The following FOCAD variants were observed in gnomAD, a reference collection of about 807,000 sequenced individuals.
The protein encoded by FOCAD is KIAA1797.
In FOCAD, 198 loss-of-function variants were observed where a neutral mutation model predicts 225.6. That is an observed-to-expected ratio of 0.88 (90% CI 0.78 to 0.99). FOCAD has a LOEUF of 0.99. Among genes scored for constraint, FOCAD ranks in the 50% least tolerant of loss-of-function variants. FOCAD has a pLI of 0.00. For synonymous variants in FOCAD, 897 were observed against 755.0 expected (o/e 1.19, Z -3.08); for missense variants, 2,713 against 2,123.6 (o/e 1.28, Z -5.46).
At chr9:20,924,832 C>T (rs1037472023) in intron 25 of FOCAD, among the ~76,000 whole-genome samples, 1 of 152,186 alleles carries the variant, frequency 6.6e-6, no homozygotes, top group Non-Finnish European at 1.5e-5. Flanking sequence ...ACTAATGAAA[C>T]ATCTAAGCAG....
intron 21 of FOCAD, among the ~76,000 whole-genome samples, chr9:20,893,717 G>A (rs1480657215): frequency 6.6e-6 from 1 of 151,964 alleles, no homozygotes. Flanking sequence ...ATTTTTTAGA[G>A]CAGTTTTAGG....
intron 11 of FOCAD, among the ~76,000 whole-genome samples, chr9:20,805,313 C>G (rs765775156): frequency 1.8e-4 from 27 of 152,090 alleles, no homozygotes; most frequent in Non-Finnish European, 3.8e-4. Flanking sequence ...TGAGGTGAAG[C>G]TTTATAACAC....
chr9:20,809,465 A>G (rs1822815335), intron 11 of FOCAD, among the ~76,000 whole-genome samples: 1 of 152,164 alleles, frequency 6.6e-6, no homozygotes, highest in Admixed American at 6.5e-5. Flanking sequence ...TCAATTGATC[A>G]ATCAAATTAA....
chr9:20,764,973 A>G lies in FOCAD; in HGVS notation c.599A>G (p.Lys200Arg), dbSNP rs762811992. 6.8e-6 allele frequency: 11 copies of G among 1,614,118 alleles called. No homozygotes were observed. In the South Asian group the frequency reaches 1.2e-4, roughly 18 times the overall value. Residue 200 changes from lysine (K) to arginine (R), a missense_variant, in exon 7 of 44, where the codon AAA (lysine) becomes AGA (arginine). Coordinates refer to ENST00000338382, the MANE Select transcript of FOCAD (RefSeq NM_001375567.1). ...EYAKLRLALL[K>R]VLLQPQVLCD... is the part of the protein sequence containing the mutation. ...GCTAAACTCCGACTAGCCCTGCTGA[A>G]AGTCTTACTTCAACCCCAGGTTCTT...
At position 20,789,333 on chromosome 9, in the gene FOCAD, C is replaced by T; in HGVS notation, c.1198-18C>T. Reference sequence around the variant, plus strand: ...ATTTATCTCACTTATTTATGCCTCTCTTGTCTTTATTTTTCAGCTCTCCTA... The same window carrying T: ...ATTTATCTCACTTATTTATGCCTCTTTTGTCTTTATTTTTCAGCTCTCCTA... On this transcript the variant is annotated intron_variant, in intron 10 of 43. Coordinates refer to ENST00000338382, the MANE Select transcript of FOCAD (RefSeq NM_001375567.1). 1.2e-6 allele frequency: 2 copies of T among 1,605,028 alleles called. No individual in the cohort carries two copies. Among genetic ancestry groups the T allele is most frequent in the Non-Finnish European group, 1.7e-6 (2 of 1,172,342 alleles).
At chr9:20,876,487 T>C (rs1830234526) in intron 19 of FOCAD, among the ~76,000 whole-genome samples, 1 of 152,186 alleles carries the variant, frequency 6.6e-6, no homozygotes, top group South Asian at 2.1e-4. Context: ...GTACAGAATG[T>C]GCAGTGCTAT....
At chr9:20,943,204 T>G (rs915402951) in intron 28 of FOCAD, among the ~76,000 whole-genome samples, 3 of 152,372 alleles carry the variant, frequency 2.0e-5, no homozygotes, top group Middle Eastern at 3.4e-3. Flanking sequence ...TAGATGTTGA[T>G]TTAACTGGTT....
At chr9:20,703,701 T>C (rs1824160125) in intron 1 of FOCAD, among the ~76,000 whole-genome samples, 1 of 152,170 alleles carries the variant, frequency 6.6e-6, no homozygotes, top group Non-Finnish European at 1.5e-5. Flanking sequence ...TCCTTATCAC[T>C]TAAATTCAAA....
chr9:20,807,800 A>T (rs1822618714), intron 11 of FOCAD, among the ~76,000 whole-genome samples: 1 of 152,210 alleles, frequency 6.6e-6, no homozygotes, highest in South Asian at 2.1e-4. Flanking sequence ...CTGCAATCCC[A>T]GCACTTTGGG....
chr9:20,740,179 C>T (rs776909392), intron 4 of FOCAD, 57 bp from the exon 5 acceptor site: 12 of 1,108,570 alleles, frequency 1.1e-5, no homozygotes, highest in African/African-American at 1.6e-5. Flanking sequence ...GATTAAGCAC[C>T]TGATTAGAAT....
chr9:20,937,227 A>G (rs1836071613), intron 28 of FOCAD, among the ~76,000 whole-genome samples: 1 of 150,724 alleles, frequency 6.6e-6, no homozygotes, highest in Non-Finnish European at 1.5e-5. Context: ...GGAAAAAACT[A>G]CTTTAAAGTT....
Position 20,948,784 on chromosome 9 carries a change from G to T in FOCAD, c.3799-67G>T, listed in dbSNP as rs1229783737. ...GACCATTTATTTCTCCGTGTCCTCA[G>T]AAGTTTTATAGAATCTAAACCCAAG... On this transcript the variant is annotated intron_variant, in intron 31 of 43. Transcript: ENST00000338382. 16 of 1,551,032 alleles carry T rather than the reference G, an allele frequency of 1.0e-5. No individual in the cohort carries two copies. In the Admixed American group the frequency reaches 2.7e-4, roughly 26 times the overall value.
chr9:20,970,601 T>C (rs998272991), intron 35 of FOCAD, among the ~76,000 whole-genome samples: 12 of 152,102 alleles, frequency 7.9e-5, no homozygotes, highest in African/African-American at 2.9e-4. Context: ...TGGTTTCTTT[T>C]AGTTCTTTGT....
intron 8 of FOCAD, among the ~76,000 whole-genome samples, chr9:20,778,136 C>T (rs1818978985): frequency 6.9e-6 from 1 of 145,702 alleles, no homozygotes; most frequent in Non-Finnish European, 1.5e-5. Flanking sequence ...AGAAGACTTG[C>T]TGATCTGCTG....
chr9:20,815,125 T>TTTTG (rs1564024227), intron 11 of FOCAD, among the ~76,000 whole-genome samples: 1 of 29,534 alleles, frequency 3.4e-5, no homozygotes, highest in East Asian at 9.8e-4. Flanking sequence ...TTCTCTTTGT[T>TTTTG]TTTTTTTTTT....
At chr9:20,746,816 T>A (rs1828072914) in intron 5 of FOCAD, among the ~76,000 whole-genome samples, 1 of 152,226 alleles carries the variant, frequency 6.6e-6, no homozygotes, top group Admixed American at 6.5e-5. Context: ...TAGTTTAGGA[T>A]CACCTGTTGC....
chr9:20,667,752 G>A (rs558532080), intron 2 of FOCAD, among the ~76,000 whole-genome samples: 4 of 152,208 alleles, frequency 2.6e-5, no homozygotes, highest in South Asian at 4.1e-4. Context: ...GAGATTATGC[G>A]TGGAAAACCT....
rs75716086 is a variant in FOCAD at position 20,842,460 on chromosome 9, C to T, written c.1920+19345C>T. Among the ~76,000 whole-genome samples, 1,167 of 152,052 alleles carry T rather than the reference C, an allele frequency of 7.7e-3. 8 individuals carry two copies. Among genetic ancestry groups the T allele is most frequent in the Middle Eastern group, 0.068 (20 of 294 alleles). ...TATATATGTATAGTTTTTTTATCCTCATGCTGCATTAACCCCTTTATCATT... is the reference window on the plus strand; with the variant it reads ...TATATATGTATAGTTTTTTTATCCTTATGCTGCATTAACCCCTTTATCATT... On this transcript the variant is annotated intron_variant, in intron 15 of 43. Transcript: ENST00000338382.
intron 5 of FOCAD, among the ~76,000 whole-genome samples, chr9:20,756,376 G>T (rs1425186641): frequency 9.2e-5 from 14 of 152,026 alleles, no homozygotes; most frequent in Admixed American, 6.6e-4. Flanking sequence ...GTTTCAATGT[G>T]ATAGATCTAA....
Sources: allele counts gnomAD v4.1 joint callset (sites outside exome capture counted in the v4.1 genomes callset), GRCh38; gene constraint gnomAD v4.1.1; transcripts MANE v1.5; gene names NCBI Gene and HGNC (gene_info 2026-07-23, HGNC 2026-07-21).